MAGI2: variants seen among roughly 807,000 people sequenced by gnomAD.
MAGI2 encodes membrane associated guanylate kinase, WW and PDZ domain containing 2.
A neutral mutation model predicts 133.3 loss-of-function variants in MAGI2; 35 were observed. That is an observed-to-expected ratio of 0.26 (90% confidence interval 0.20 to 0.35). The LOEUF (loss-of-function observed/expected upper bound fraction) is 0.35. Among genes scored for constraint, MAGI2 ranks in the 10% least tolerant of loss-of-function variants. The probability of loss-of-function intolerance (pLI) is 1.00; values close to 1 mark genes in which losing one functional copy is unlikely to be tolerated. For synonymous variants in MAGI2, 729 were observed against 710.6 expected (o/e 1.03, Z -0.41); for missense variants, 1,636 against 1,863.4 (o/e 0.88, Z 2.25).
At chr7:78,319,012 A>G (rs996057652) in intron 9 of MAGI2, among the ~76,000 whole-genome samples, 18 of 152,246 alleles carry the variant, frequency 1.2e-4, no homozygotes, top group African/African-American at 3.4e-4. Flanking sequence ...CTGCAAAAAC[A>G]TAACAAATTG....
intron 2 of MAGI2, among the ~76,000 whole-genome samples, chr7:78,805,225 T>C (rs1034952725): frequency 6.6e-6 from 1 of 151,472 alleles, no homozygotes; most frequent in Non-Finnish European, 1.5e-5. Flanking sequence ...ATTTACTAAT[T>C]AGTTTCACCT....
chr7:78,042,914 T>A (rs1031557628), intron 21 of MAGI2, among the ~76,000 whole-genome samples: 1 of 152,210 alleles, frequency 6.6e-6, no homozygotes, highest in Non-Finnish European at 1.5e-5. Flanking sequence ...CATCAGTACA[T>A]CAATATATAC....
intron 2 of MAGI2, among the ~76,000 whole-genome samples, chr7:78,839,672 A>T (rs1791956392): frequency 6.6e-6 from 1 of 152,056 alleles, no homozygotes; most frequent in Admixed American, 6.6e-5. Flanking sequence ...TCTCGTGAGA[A>T]CTCACACACT....
chr7:78,656,602 G>C lies in MAGI2; in HGVS notation c.419-29363C>G, dbSNP rs538210446. On this transcript the variant is annotated intron_variant, in intron 2 of 21. Coordinates refer to ENST00000354212, the MANE Select transcript of MAGI2 (RefSeq NM_012301.4). ...CAGTTATGTAAAATGTAAATCTAGA[G>C]ATCTAATGTACAGCATGAGAACTAA... Among the ~76,000 whole-genome samples the C allele has an allele frequency of 2.0e-5, 3 of 152,258 alleles. No individual in the cohort carries two copies. The South Asian group carries it at 6.2e-4, about 32-fold the overall frequency.
chr7:78,223,900 T>C (rs370600946), intron 10 of MAGI2, among the ~76,000 whole-genome samples: 1 of 152,342 alleles, frequency 6.6e-6, no homozygotes, highest in Admixed American at 6.5e-5. Context: ...CCACTGCTTT[T>C]CCCAGGCATG....
intron 1 of MAGI2, among the ~76,000 whole-genome samples, chr7:79,147,798 G>A (rs10953780): frequency 0.64 from 96,650 of 152,046 alleles, 35,270 homozygotes; most frequent in Non-Finnish European, 0.83. Flanking sequence ...CAAAGCATGA[G>A]GGTGGCAGCA....
At chr7:78,848,188 T>A (rs987826191) in intron 2 of MAGI2, among the ~76,000 whole-genome samples, 2 of 151,828 alleles carry the variant, frequency 1.3e-5, no homozygotes, top group African/African-American at 4.8e-5. Context: ...AAAGTTTGAT[T>A]TGCCCTTTGG....
intron 2 of MAGI2, among the ~76,000 whole-genome samples, chr7:78,640,393 T>A (rs979927299): frequency 1.3e-5 from 2 of 152,178 alleles, no homozygotes; most frequent in African/African-American, 2.4e-5. Flanking sequence ...TAAGGGAAGT[T>A]TTAGGAATTA....
chr7:78,123,768 G>A (rs572887796), intron 20 of MAGI2, among the ~76,000 whole-genome samples: 27 of 152,054 alleles, frequency 1.8e-4, no homozygotes, highest in Admixed American at 5.2e-4. Context: ...ATAAAACCTC[G>A]GAAGGTAAAA....
chr7:79,119,941 C>T (rs1388969398), intron 1 of MAGI2, among the ~76,000 whole-genome samples: 3 of 151,934 alleles, frequency 2.0e-5, no homozygotes, highest in Non-Finnish European at 4.4e-5. Flanking sequence ...TAAGTGTTGC[C>T]CTGAGTCATT....
At chr7:78,540,908 T>A (rs1584555825) in intron 3 of MAGI2, among the ~76,000 whole-genome samples, 1 of 152,230 alleles carries the variant, frequency 6.6e-6, no homozygotes, top group Non-Finnish European at 1.5e-5. Context: ...GGAGGCAGAC[T>A]TTTCCCCTCT....
At chr7:79,423,207 G>A (rs535373439) in intron 1 of MAGI2, among the ~76,000 whole-genome samples, 3 of 126,720 alleles carry the variant, frequency 2.4e-5, no homozygotes, top group African/African-American at 7.6e-5. Context: ...TTTTGAAATC[G>A]TTGTACACAT....
chr7:78,058,265 C>T (rs550506578), intron 21 of MAGI2, among the ~76,000 whole-genome samples: 2 of 151,784 alleles, frequency 1.3e-5, no homozygotes, highest in Non-Finnish European at 1.5e-5. Context: ...TCATGTGTCT[C>T]AAAGTAGCAG....
In MAGI2 at chr7:78,243,019, C is replaced by A. The variant is rs189735494; in HGVS notation, c.2047+12924G>T. On this transcript the variant is annotated intron_variant, in intron 10 of 21. Coordinates refer to ENST00000354212, the MANE Select transcript of MAGI2 (RefSeq NM_012301.4). ...CCCAGGAGGTCAAGGCAGCAGTGAA[C>A]TGTGATTGTGCCACTGCATTCCAGC... Among the ~76,000 whole-genome samples the A allele has an allele frequency of 3.0e-3, 455 of 152,224 alleles. 2 individuals carry two copies. The highest frequency in any genetic ancestry group is 0.01 in the African/African-American group (431 of 41,538).
chr7:78,683,124 G>C (rs1339440629), intron 2 of MAGI2, among the ~76,000 whole-genome samples: 1 of 152,126 alleles, frequency 6.6e-6, no homozygotes, highest in Non-Finnish European at 1.5e-5. Flanking sequence ...TGATAAAGTT[G>C]GTTGTGAAGA....
At chr7:79,097,622 T>C (rs1404806789) in intron 1 of MAGI2, among the ~76,000 whole-genome samples, 1 of 152,164 alleles carries the variant, frequency 6.6e-6, no homozygotes, top group African/African-American at 2.4e-5. Context: ...GTGTATCTAC[T>C]GAAAGGGCTG....
chr7:78,412,001 T>C (rs1007792897), intron 6 of MAGI2, among the ~76,000 whole-genome samples: 30 of 152,066 alleles, frequency 2.0e-4, no homozygotes, highest in African/African-American at 6.3e-4. Flanking sequence ...TTTTCTTTAT[T>C]GTAATAAAAT....
intron 2 of MAGI2, among the ~76,000 whole-genome samples, chr7:78,968,651 C>T (rs903214758): frequency 3.9e-5 from 6 of 151,964 alleles, no homozygotes; most frequent in Non-Finnish European, 7.4e-5. Flanking sequence ...AGAAGTTGTA[C>T]TATATCACAT....
At chr7:78,167,796 T>C in intron 15 of MAGI2, 120 bp downstream of exon 15, 4 of 910,774 alleles carry the variant, frequency 4.4e-6, no homozygotes. Context: ...TCTAGGTTGT[T>C]TCCTTCCTCA....
Sources: allele counts gnomAD v4.1 joint callset (sites outside exome capture counted in the v4.1 genomes callset), GRCh38; gene constraint gnomAD v4.1.1; transcripts MANE v1.5; gene names NCBI Gene and HGNC (gene_info 2026-07-23, HGNC 2026-07-21).